The following RFC5 variants were observed in gnomAD, a reference collection of about 807,000 sequenced individuals.
The protein encoded by RFC5 is replication factor C subunit 5, also known as A1 36 kDa subunit.
RFC5 carries 26 observed loss-of-function variants against 44.3 expected under a neutral mutation model. The ratio of observed to expected loss-of-function variants is 0.59; its 90% CI spans 0.43 to 0.81. RFC5 has a LOEUF of 0.81. RFC5 is among the 40% of genes least tolerant of loss of function. The pLI is 0.00. For synonymous variants in RFC5, 155 were observed against 155.2 expected, an observed-to-expected ratio of 1.00 and a Z score of 0.01; for missense variants, 328 against 418.6, an observed-to-expected ratio of 0.78 and a Z score of 1.89.
At chr12:118,020,763 A>G (rs1242515106) in intron 3 of RFC5, 143 bp from the exon 4 acceptor site, 2 of 525,700 alleles carry the variant, frequency 3.8e-6, no homozygotes, top group Non-Finnish European at 6.8e-6. Context: ...CTGATTTTTT[A>G]TTTTATGATG....
chr12:118,022,708 G>A (rs1273279295), intron 5 of RFC5, among the ~76,000 whole-genome samples: 4 of 151,998 alleles, frequency 2.6e-5, no homozygotes, highest in African/African-American at 7.2e-5. Context: ...TGGGTGATCC[G>A]CCCGCCTCGG....
chr12:118,027,906 T>C (rs766698951), intron 8 of RFC5, 47 bp from the exon 9 acceptor site: 5 of 1,176,290 alleles, frequency 4.3e-6, no homozygotes, highest in East Asian at 4.7e-5. Context: ...TTCTCTGCAG[T>C]ATGTTTGTTC....
intron 1 of RFC5, among the ~76,000 whole-genome samples, chr12:118,018,634 C>A (rs1157579264): frequency 6.6e-6 from 1 of 151,938 alleles, no homozygotes; most frequent in East Asian, 1.9e-4. Context: ...CAAGGTCTCA[C>A]TCTGTCGCCC....
At chr12:118,027,283 G>C (rs571650723) in intron 8 of RFC5, 2 of 414,722 alleles carry the variant, frequency 4.8e-6, no homozygotes, top group Admixed American at 7.8e-5. Context: ...TTAGGCCTTG[G>C]CATTGAAGAT....
intron 9 of RFC5, among the ~76,000 whole-genome samples, chr12:118,028,652 A>G (rs1312292460): frequency 1.3e-5 from 2 of 152,088 alleles, no homozygotes; most frequent in South Asian, 4.2e-4. Flanking sequence ...TAAAAAAAAA[A>G]AAAAAGTCTG....
downstream of RFC5, chr12:118,034,671 T>A: frequency 2.0e-6 from 1 of 492,646 alleles, no homozygotes; most frequent in African/African-American, 1.9e-5. Flanking sequence ...GAATTATAGA[T>A]GTTACCTGTA....
At chr12:118,037,582 C>T (rs1397872316), downstream of RFC5, among the ~76,000 whole-genome samples, 1 of 151,506 alleles carries the variant, frequency 6.6e-6, no homozygotes, top group East Asian at 1.9e-4. Flanking sequence ...GCAGGAGAAT[C>T]GCTTGAACCC....
chr12:118,026,849 C>G (rs1176815308), intron 7 of RFC5, 40 bp from the exon 8 acceptor site: 6 of 1,594,044 alleles, frequency 3.8e-6, no homozygotes, highest in South Asian at 2.3e-5. Context: ...GCAGCTGTGA[C>G]AGCCACTGTG....
At chr12:118,030,085 A>G (rs916233753) in intron 10 of RFC5, among the ~76,000 whole-genome samples, 3 of 152,136 alleles carry the variant, frequency 2.0e-5, no homozygotes, top group Non-Finnish European at 4.4e-5. Flanking sequence ...CTCGGCCCAC[A>G]TTGATTCTGA....
chr12:118,021,055 T>C, intron 4 of RFC5, 70 bp downstream of exon 4: 1 of 966,484 alleles, frequency 1.0e-6, no homozygotes, highest in Non-Finnish European at 1.6e-6. Context: ...AATTTTTTAA[T>C]CCTCTCCTTA....
At chr12:118,036,211 C>G (rs1406467158), downstream of RFC5, 3 of 1,132,166 alleles carry the variant, frequency 2.6e-6, no homozygotes, top group Non-Finnish European at 3.8e-6. Flanking sequence ...CAAAAGAGAC[C>G]CACTGTGCCT....
chr12:118,039,775 G>C, the RFC5 span, among the ~76,000 whole-genome samples: 7 of 151,468 alleles, frequency 4.6e-5, no homozygotes, highest in South Asian at 1.5e-3. Flanking sequence ...ACAGAGTCTT[G>C]TTCTGTTGCC....
intron 1 of RFC5, chr12:118,017,724 G>T: frequency 1.4e-6 from 1 of 703,850 alleles, no homozygotes. Context: ...ATGCTGGAGC[G>T]CAGTGGTGTG....
At chr12:118,028,663 T>C (rs1157188559) in intron 9 of RFC5, among the ~76,000 whole-genome samples, 4 of 150,406 alleles carry the variant, frequency 2.7e-5, no homozygotes, top group Non-Finnish European at 5.9e-5. Context: ...AAAAAGTCTG[T>C]CTATCTATCT....
At chr12:118,027,867 A>T in intron 8 of RFC5, 86 bp from the exon 9 acceptor site, 1 of 811,074 alleles carries the variant, frequency 1.2e-6, no homozygotes, top group East Asian at 2.5e-5. Flanking sequence ...TTACTTTAAA[A>T]AGTCTCTTGC....
intron 5 of RFC5, among the ~76,000 whole-genome samples, chr12:118,023,421 AGG>A (rs1344267164): frequency 1.5e-4 from 3 of 19,940 alleles, no homozygotes; most frequent in Admixed American, 7.2e-4. Flanking sequence ...AGGGGGGAGG[AGG>A]GGAGGAAGAG....
chr12:118,029,770 G>T lies in RFC5; in HGVS notation c.872-1G>T. ...CTCATTTGATTTTGTTTTTCCCTCA[G>T]TTGACTTTCCATCTTCAGTTCGAAT... is the stretch of plus-strand genomic sequence containing the variant. On this transcript the variant is annotated splice_acceptor_variant, in intron 9 of 10. Transcript: ENST00000454402. LOFTEE classifies it high-confidence loss of function. The T allele has an allele frequency of 6.2e-7, 1 of 1,606,200 alleles. No individual in the cohort carries two copies. Among genetic ancestry groups the T allele is most frequent in the Non-Finnish European group, 8.5e-7 (1 of 1,172,846 alleles).
At chr12:118,020,364 A>G (rs556233724) in intron 3 of RFC5, among the ~76,000 whole-genome samples, 106 of 152,340 alleles carry the variant, frequency 7.0e-4, no homozygotes, top group African/African-American at 2.5e-3. Flanking sequence ...GCATAGCCCC[A>G]TGGTTTTCCT....
intron 4 of RFC5, 86 bp downstream of exon 4, chr12:118,021,071 T>G: frequency 1.4e-6 from 1 of 732,540 alleles, no homozygotes. Context: ...CCTTAGCCAG[T>G]TTATATGGGT....
Sources: allele counts gnomAD v4.1 joint callset (sites outside exome capture counted in the v4.1 genomes callset), GRCh38; gene constraint gnomAD v4.1.1; transcripts MANE v1.5; gene names NCBI Gene and HGNC (gene_info 2026-07-23, HGNC 2026-07-21).